The following KIAA1549L variants were observed in gnomAD, a reference collection of about 807,000 sequenced individuals.
KIAA1549L encodes UPF0606 protein KIAA1549L.
In KIAA1549L, 88 loss-of-function variants were observed where a neutral mutation model predicts 160.7. That is an observed-to-expected ratio of 0.55 (90% CI 0.46 to 0.65). The LOEUF (loss-of-function observed/expected upper bound fraction) is 0.65. Among genes scored for constraint, KIAA1549L ranks in the 30% least tolerant of loss-of-function variants. The pLI is 0.00. For synonymous variants in KIAA1549L, 950 were observed against 976.7 expected (o/e 0.97, Z 0.51); for missense variants, 2,258 against 2,437.5 (o/e 0.93, Z 1.55).
intron 1 of KIAA1549L, among the ~76,000 whole-genome samples, chr11:33,379,794 G>A (rs1850037070): frequency 6.6e-6 from 1 of 152,224 alleles, no homozygotes; most frequent in Admixed American, 6.5e-5. Context: ...ACAGTGCTTG[G>A]TATACAGTAG....
intron 1 of KIAA1549L, among the ~76,000 whole-genome samples, chr11:33,379,963 T>A (rs1015439721): frequency 2.0e-5 from 3 of 152,368 alleles, no homozygotes; most frequent in Admixed American, 2.0e-4. Flanking sequence ...CCTTGCCCTC[T>A]GTGCTGTGTG....
At chr11:33,507,376 A>G (rs1408637939) in intron 1 of KIAA1549L, among the ~76,000 whole-genome samples, 1 of 152,232 alleles carries the variant, frequency 6.6e-6, no homozygotes, top group Non-Finnish European at 1.5e-5. Context: ...GATGCTATAT[A>G]TTGAAAAACT....
chr11:33,560,200 T>G (rs1279151449), intron 7 of KIAA1549L, among the ~76,000 whole-genome samples: 1 of 152,198 alleles, frequency 6.6e-6, no homozygotes, highest in East Asian at 1.9e-4. Context: ...CATTTAATCC[T>G]CAGACCTGCC....
chr11:33,509,237 C>T (rs1288090153), intron 1 of KIAA1549L, among the ~76,000 whole-genome samples: 1 of 152,172 alleles, frequency 6.6e-6, no homozygotes, highest in Non-Finnish European at 1.5e-5. Context: ...GCCAAACCTT[C>T]CCTCCATGGT....
At chr11:33,553,306 ATTT>A (rs5790938) in intron 6 of KIAA1549L, among the ~76,000 whole-genome samples, 44 of 144,922 alleles carry the variant, frequency 3.0e-4, no homozygotes, top group East Asian at 6.0e-4. Context: ...GGTGCGCTGT[ATTT>A]TTTTTTTTTT....
At chr11:33,653,416 T>C (rs1851952549) in intron 17 of KIAA1549L, among the ~76,000 whole-genome samples, 1 of 152,240 alleles carries the variant, frequency 6.6e-6, no homozygotes, top group Admixed American at 6.5e-5. Flanking sequence ...CACTTCTAGG[T>C]TGACTCCTCT....
At chr11:33,406,859 C>A (rs908922545) in intron 1 of KIAA1549L, among the ~76,000 whole-genome samples, 1 of 152,178 alleles carries the variant, frequency 6.6e-6, no homozygotes, top group Non-Finnish European at 1.5e-5. Flanking sequence ...CGGATGAGGT[C>A]TTTTGGCCCC....
chr11:33,408,340 G>A (rs1045501073), intron 1 of KIAA1549L, among the ~76,000 whole-genome samples: 12 of 152,098 alleles, frequency 7.9e-5, no homozygotes, highest in Non-Finnish European at 2.9e-5. Flanking sequence ...TAGCATCTGC[G>A]TGATCTTGGT....
At chr11:33,397,253 G>A (rs1337979160) in intron 1 of KIAA1549L, among the ~76,000 whole-genome samples, 2 of 145,094 alleles carry the variant, frequency 1.4e-5, no homozygotes, top group Non-Finnish European at 3.0e-5. Flanking sequence ...AGAATCGTTT[G>A]AACCTGGGAG....
At chr11:33,532,714 T>C (rs763094758) in intron 1 of KIAA1549L, among the ~76,000 whole-genome samples, 6 of 152,198 alleles carry the variant, frequency 3.9e-5, no homozygotes, top group Non-Finnish European at 8.8e-5. Context: ...TCTTAATTGG[T>C]TTCCTTCGTT....
At chr11:33,664,445 A>G (rs1159486118) in intron 20 of KIAA1549L, among the ~76,000 whole-genome samples, 1 of 152,078 alleles carries the variant, frequency 6.6e-6, no homozygotes, top group African/African-American at 2.4e-5. Flanking sequence ...CTTTCCTACC[A>G]CACATCCCCC....
chr11:33,636,451 C>T (rs1022276492), intron 16 of KIAA1549L, among the ~76,000 whole-genome samples: 6 of 151,558 alleles, frequency 4.0e-5, no homozygotes, highest in Non-Finnish European at 5.9e-5. Context: ...TGGGTTCAGC[C>T]TCCCAAGTAG....
intron 1 of KIAA1549L, among the ~76,000 whole-genome samples, chr11:33,441,432 A>G (rs1434554248): frequency 6.6e-6 from 1 of 151,880 alleles, no homozygotes; most frequent in Admixed American, 6.6e-5. Flanking sequence ...TTGGATATAT[A>G]CCCAGTAATG....
At chr11:33,630,041 G>C (rs138367937) in intron 16 of KIAA1549L, among the ~76,000 whole-genome samples, 2,970 of 151,360 alleles carry the variant, frequency 0.02, 107 homozygotes, top group African/African-American at 0.064. Context: ...TTGGAGTACT[G>C]GACCGTGTGA....
intron 6 of KIAA1549L, among the ~76,000 whole-genome samples, chr11:33,553,365 A>G (rs1854536885): frequency 6.6e-6 from 1 of 151,218 alleles, no homozygotes; most frequent in African/African-American, 2.4e-5. Flanking sequence ...ATGCTTCTTA[A>G]TGATACTCAT....
At chr11:33,486,250 T>C (rs560223067) in intron 1 of KIAA1549L, among the ~76,000 whole-genome samples, 1 of 152,314 alleles carries the variant, frequency 6.6e-6, no homozygotes, top group South Asian at 2.1e-4. Flanking sequence ...TTGGTGAGAA[T>C]GTAAGTTAGT....
intron 1 of KIAA1549L, among the ~76,000 whole-genome samples, chr11:33,490,046 A>T (rs1235500132): frequency 5.9e-5 from 9 of 152,184 alleles, no homozygotes; most frequent in Non-Finnish European, 1.5e-5. Flanking sequence ...AAGGTTATAC[A>T]GATTGATGGT....
At chr11:33,656,919 C>T (rs1331809401) in intron 18 of KIAA1549L, among the ~76,000 whole-genome samples, 1 of 152,182 alleles carries the variant, frequency 6.6e-6, no homozygotes, top group East Asian at 1.9e-4. Flanking sequence ...CAGACCCTGA[C>T]CTGCTGTGCA....
intron 1 of KIAA1549L, among the ~76,000 whole-genome samples, chr11:33,502,361 C>T (rs1015581485): frequency 6.6e-6 from 1 of 152,118 alleles, no homozygotes; most frequent in African/African-American, 2.4e-5. Context: ...AAGTATTGCA[C>T]CGAAAGCTTT....
Sources: gnomAD v4.1 joint callset for allele counts (sites outside exome capture counted in the v4.1 genomes callset) on GRCh38, gnomAD v4.1.1 for gene constraint, MANE v1.5 for transcripts, NCBI Gene and HGNC (gene_info 2026-07-23, HGNC 2026-07-21) for gene names.